FNIP1: variants seen among roughly 807,000 people sequenced by gnomAD.
FNIP1 encodes the protein folliculin interacting protein 1.
Under a neutral mutation model 124.5 loss-of-function variants are expected in FNIP1, and 40 were observed. The observed-to-expected ratio is 0.32, with a 90% CI of 0.25 to 0.42. The LOEUF is 0.42. Among genes scored for constraint, FNIP1 ranks in the 10% least tolerant of loss-of-function variants. FNIP1 has a pLI of 1.00. For missense variants in FNIP1, 1,176 were observed against 1,403.7 expected, an observed-to-expected ratio of 0.84 and a Z score of 2.59; for synonymous variants, 472 against 470.6, an observed-to-expected ratio of 1.00 and a Z score of -0.04.
At chr5:131,769,594 G>C (rs985155251) in intron 1 of FNIP1, among the ~76,000 whole-genome samples, 2 of 152,136 alleles carry the variant, frequency 1.3e-5, no homozygotes, top group Non-Finnish European at 2.9e-5. Flanking sequence ...CAAGAAGTCT[G>C]AATTTAACTC....
intron 8 of FNIP1, among the ~76,000 whole-genome samples, chr5:131,707,929 A>G (rs1194123581): frequency 6.6e-6 from 1 of 152,164 alleles, no homozygotes; most frequent in Non-Finnish European, 1.5e-5. Flanking sequence ...AATTCCTGCC[A>G]GGGAAGACTA....
intron 1 of FNIP1, among the ~76,000 whole-genome samples, chr5:131,793,058 C>T (rs1772460857): frequency 6.6e-6 from 1 of 152,054 alleles, no homozygotes; most frequent in African/African-American, 2.4e-5. Context: ...GACAGGATTT[C>T]ACTCTGTTGC....
At chr5:131,786,179 G>T (rs1230374106) in intron 1 of FNIP1, among the ~76,000 whole-genome samples, 2 of 152,176 alleles carry the variant, frequency 1.3e-5, no homozygotes, top group Non-Finnish European at 2.9e-5. Flanking sequence ...AAATGAATTA[G>T]AACTTTTTCA....
chr5:131,791,545 C>G lies in FNIP1; in HGVS notation c.92+5285G>C, dbSNP rs532790169. Among the ~76,000 whole-genome samples, 17 of 152,322 alleles carry G rather than the reference C, an allele frequency of 1.1e-4. No individual in the cohort carries two copies. In the South Asian group the frequency reaches 3.5e-3, roughly 32 times the overall value. ...AGAGAAATAGGTTATAGCAAACTTA[C>G]AGCAAACCTGAGCATCAGAATTGCC... On this transcript the variant is annotated intron_variant, in intron 1 of 17. Transcript: ENST00000510461.
At chr5:131,649,895 G>A (rs1259338303) in intron 16 of FNIP1, among the ~76,000 whole-genome samples, 1 of 152,122 alleles carries the variant, frequency 6.6e-6, no homozygotes, top group African/African-American at 2.4e-5. Flanking sequence ...CCTGTTGAAT[G>A]GTCTTGGCAC....
chr5:131,718,488 T>C (rs1580781884), intron 5 of FNIP1, among the ~76,000 whole-genome samples: 1 of 152,236 alleles, frequency 6.6e-6, no homozygotes, highest in African/African-American at 2.4e-5. Flanking sequence ...ACATGGCCCA[T>C]GATCCTGACA....
intron 7 of FNIP1, among the ~76,000 whole-genome samples, chr5:131,709,476 A>G (rs1263625493): frequency 3.9e-5 from 6 of 152,196 alleles, no homozygotes; most frequent in African/African-American, 1.4e-4. Context: ...TACACAGTAT[A>G]AGAATCTAAA....
At chr5:131,752,854 G>C (rs1442187879) in intron 1 of FNIP1, among the ~76,000 whole-genome samples, 2 of 152,150 alleles carry the variant, frequency 1.3e-5, no homozygotes, top group Non-Finnish European at 2.9e-5. Flanking sequence ...GGTCACCTGA[G>C]GTCAAGAGTT....
chr5:131,654,147 A>G (rs1435183686), intron 15 of FNIP1, among the ~76,000 whole-genome samples: 1 of 152,244 alleles, frequency 6.6e-6, no homozygotes, highest in Non-Finnish European at 1.5e-5. Context: ...AAAGAGCCAC[A>G]AGGCATATGG....
chr5:131,709,301 TA>T, intron 7 of FNIP1, 29 bp from the exon 8 acceptor site: 2 of 1,579,906 alleles, frequency 1.3e-6, no homozygotes, highest in South Asian at 1.1e-5. Context: ...CTGTCAGTTA[TA>T]AAATATATTG....
At chr5:131,686,285 G>C (rs1005823811) in intron 11 of FNIP1, among the ~76,000 whole-genome samples, 64 of 152,180 alleles carry the variant, frequency 4.2e-4, no homozygotes, top group African/African-American at 1.5e-3. Flanking sequence ...AAGGCTTATA[G>C]TTCCATTATA....
At position 131,796,999 on chromosome 5, in the gene FNIP1, A is replaced by G. The variant is rs1580848886; in HGVS notation, c.-78T>C. ...CTCCTACAGCCGCCCCGCCACCCCC[A>G]TGGGCGCCTCAGTCATATGACAGAA... On this transcript the variant is annotated 5_prime_UTR_variant, in exon 1 of 18. The change abolishes an upstream ATG in the 5' untranslated region. Transcript: ENST00000510461. 3 of 1,285,640 alleles carry G rather than the reference A, an allele frequency of 2.3e-6. No individual in the cohort carries two copies. The Admixed American group carries it at 6.9e-5, about 30-fold the overall frequency. 79.6% of individuals were successfully genotyped at this position (1,285,640 alleles called of 1,614,324 possible). A position where few individuals can be genotyped will look rare whatever the true frequency, so the allele number is the denominator to read the frequency against.
intron 13 of FNIP1, among the ~76,000 whole-genome samples, chr5:131,677,298 C>A (rs1428772346): frequency 6.6e-6 from 1 of 152,202 alleles, no homozygotes; most frequent in Non-Finnish European, 1.5e-5. Flanking sequence ...TCCAAAATGA[C>A]TCAGCAAGTG....
chr5:131,788,406 C>T (rs988618811), intron 1 of FNIP1, among the ~76,000 whole-genome samples: 1 of 152,184 alleles, frequency 6.6e-6, no homozygotes, highest in East Asian at 1.9e-4. Context: ...CAGTAGCTCA[C>T]GCCTGTAATC....
At chr5:131,674,277 A>C (rs1245877574) in intron 13 of FNIP1, among the ~76,000 whole-genome samples, 1 of 152,174 alleles carries the variant, frequency 6.6e-6, no homozygotes, top group Non-Finnish European at 1.5e-5. Context: ...TCAGCCATGC[A>C]GTTCATTTTC....
At chr5:131,657,819 T>A (rs1054188521) in intron 15 of FNIP1, among the ~76,000 whole-genome samples, 4 of 142,330 alleles carry the variant, frequency 2.8e-5, no homozygotes, top group Non-Finnish European at 6.0e-5. Flanking sequence ...GGCAGGCGGA[T>A]CACAAGGTCA....
intron 11 of FNIP1, among the ~76,000 whole-genome samples, chr5:131,683,129 A>C (rs1042705338): frequency 7.2e-5 from 11 of 152,192 alleles, no homozygotes; most frequent in African/African-American, 2.7e-4. Flanking sequence ...TGTCATTGTT[A>C]ATTTTAAATA....
At chr5:131,677,675 A>G in intron 13 of FNIP1, 28 bp downstream of exon 13, 1 of 1,585,488 alleles carries the variant, frequency 6.3e-7, no homozygotes, top group South Asian at 1.1e-5. Context: ...AGTCTAATAC[A>G]TAGTGTAACA....
intron 2 of FNIP1, among the ~76,000 whole-genome samples, chr5:131,734,241 G>A (rs927342056): frequency 4.0e-5 from 6 of 151,892 alleles, no homozygotes; most frequent in South Asian, 2.1e-4. Context: ...TCGTGCTAGC[G>A]GTTTATCAAT....
Sources: allele counts gnomAD v4.1 joint callset (sites outside exome capture counted in the v4.1 genomes callset), GRCh38; gene constraint gnomAD v4.1.1; transcripts MANE v1.5; gene names NCBI Gene and HGNC (gene_info 2026-07-23, HGNC 2026-07-21).